Variants in KLHL1 observed in about 807,000 individuals in gnomAD.
The protein encoded by KLHL1 is kelch-like protein 1.
A neutral mutation model predicts 77.7 loss-of-function variants in KLHL1; 47 were observed. The ratio of observed to expected loss-of-function variants is 0.60; its 90% CI spans 0.48 to 0.77. The LOEUF is 0.77. KLHL1 is among the 30% of genes least tolerant of loss of function. The pLI, the probability that KLHL1 is intolerant of heterozygous loss-of-function variation, is 0.00. For missense variants in KLHL1, 925 were observed against 910.8 expected, an observed-to-expected ratio of 1.02 and a Z score of -0.20; for synonymous variants, 360 against 325.2, an observed-to-expected ratio of 1.11 and a Z score of -1.15.
At chr13:69,984,221 A>G (rs1472792105) in intron 1 of KLHL1, among the ~76,000 whole-genome samples, 2 of 152,258 alleles carry the variant, frequency 1.3e-5, no homozygotes, top group Middle Eastern at 3.4e-3. Flanking sequence ...TGTCCTTGGT[A>G]AGGTTTCTCT....
At chr13:69,733,632 A>G (rs1215213430) in intron 8 of KLHL1, among the ~76,000 whole-genome samples, 1 of 152,214 alleles carries the variant, frequency 6.6e-6, no homozygotes, top group Non-Finnish European at 1.5e-5. Context: ...CAGTTCTTAG[A>G]GAATGTGATA....
intron 1 of KLHL1, among the ~76,000 whole-genome samples, chr13:69,982,774 A>T (rs1884747895): frequency 6.6e-6 from 1 of 152,046 alleles, no homozygotes; most frequent in African/African-American, 2.4e-5. Context: ...TAAGACAAAA[A>T]GGAAGAAAAT....
intron 6 of KLHL1, among the ~76,000 whole-genome samples, chr13:69,830,460 T>C (rs1219082311): frequency 6.7e-6 from 1 of 150,024 alleles, no homozygotes; most frequent in Non-Finnish European, 1.5e-5. Context: ...CAATTACTAC[T>C]AGACCTAAGA....
intron 4 of KLHL1, among the ~76,000 whole-genome samples, chr13:69,936,432 T>C (rs1338629480): frequency 6.6e-6 from 1 of 151,740 alleles, no homozygotes; most frequent in Non-Finnish European, 1.5e-5. Context: ...CTACTAAAAA[T>C]ACAAAAATTA....
In KLHL1 at chr13:69,768,189, G is replaced by T. The variant is rs753816752; in HGVS notation, c.1640-27633C>A. Among the ~76,000 whole-genome samples the T allele has an allele frequency of 2.6e-5, 4 of 152,238 alleles. No individual in the cohort carries two copies. The South Asian group carries it at 8.3e-4, about 32-fold the overall frequency. On this transcript the variant is annotated intron_variant, in intron 7 of 10. Transcript: ENST00000377844. Reference sequence around the variant, plus strand: ...CAAGCTTTCTTTAGCTTACCAAGCTGCAAAGAATGCAACCATGGTTTGATA... The same window carrying T: ...CAAGCTTTCTTTAGCTTACCAAGCTTCAAAGAATGCAACCATGGTTTGATA...
chr13:70,073,152 C>T (rs1271138831), intron 1 of KLHL1, among the ~76,000 whole-genome samples: 1 of 152,094 alleles, frequency 6.6e-6, no homozygotes, highest in African/African-American at 2.4e-5. Flanking sequence ...AGACTTGGAA[C>T]CAACCCAAAT....
In KLHL1 at chr13:69,941,001, T is replaced by C. The variant is rs1883349087; in HGVS notation, c.818-765A>G. Among the ~76,000 whole-genome samples the C allele has an allele frequency of 2.0e-5, 3 of 152,122 alleles. No homozygotes were observed. The South Asian group carries it at 6.2e-4, about 32-fold the overall frequency. On this transcript the variant is annotated intron_variant, in intron 3 of 10. Coordinates refer to ENST00000377844, the MANE Select transcript of KLHL1 (RefSeq NM_020866.3). Reference sequence around the variant, plus strand: ...TTTATTATCATTTAGATTTACTATCTGTACCTAAGTGAGTTTTACAAGTTG... The same window carrying C: ...TTTATTATCATTTAGATTTACTATCCGTACCTAAGTGAGTTTTACAAGTTG...
intron 1 of KLHL1, among the ~76,000 whole-genome samples, chr13:70,089,219 G>A (rs1370876285): frequency 6.6e-6 from 1 of 152,064 alleles, no homozygotes; most frequent in Admixed American, 6.6e-5. Context: ...ATCTTTTCAT[G>A]CTGACTAATG....
chr13:69,702,037 A>G (rs1875416983), intron 10 of KLHL1, among the ~76,000 whole-genome samples: 1 of 151,754 alleles, frequency 6.6e-6, no homozygotes, highest in Non-Finnish European at 1.5e-5. Flanking sequence ...CTGCTATAGA[A>G]AAGTTTCCAT....
intron 1 of KLHL1, among the ~76,000 whole-genome samples, chr13:69,977,358 A>G (rs1884573995): frequency 6.6e-6 from 1 of 152,108 alleles, no homozygotes; most frequent in Non-Finnish European, 1.5e-5. Flanking sequence ...TCAAATGGAA[A>G]CAAATAAGGC....
chr13:69,961,920 T>A (rs1262322149), intron 2 of KLHL1, among the ~76,000 whole-genome samples: 1 of 152,046 alleles, frequency 6.6e-6, no homozygotes, highest in African/African-American at 2.4e-5. Context: ...TCTTTAATAT[T>A]TTAAATTTAA....
intron 5 of KLHL1, among the ~76,000 whole-genome samples, chr13:69,839,381 C>A (rs1206853016): frequency 1.3e-5 from 2 of 151,784 alleles, no homozygotes; most frequent in Non-Finnish European, 2.9e-5. Flanking sequence ...TATTATTTAT[C>A]ATTTTACCAC....
intron 1 of KLHL1, among the ~76,000 whole-genome samples, chr13:70,105,392 C>T (rs1888027086): frequency 6.6e-6 from 1 of 151,560 alleles, no homozygotes; most frequent in Non-Finnish European, 1.5e-5. Context: ...ACTACTAATG[C>T]TGAATATGCC....
intron 1 of KLHL1, among the ~76,000 whole-genome samples, chr13:70,104,029 C>G (rs556868175): frequency 1.3e-5 from 2 of 152,254 alleles, no homozygotes; most frequent in African/African-American, 4.8e-5. Flanking sequence ...TAAAACATGA[C>G]ATGTCTTCTC....
intron 8 of KLHL1, among the ~76,000 whole-genome samples, chr13:69,735,046 C>A (rs1013823275): frequency 1.4e-4 from 22 of 151,954 alleles, no homozygotes; most frequent in Admixed American, 1.1e-3. Context: ...AGAATTAATG[C>A]AATATGAGCA....
At chr13:69,928,449 A>G (rs1882887314) in intron 4 of KLHL1, among the ~76,000 whole-genome samples, 1 of 152,232 alleles carries the variant, frequency 6.6e-6, no homozygotes, top group Non-Finnish European at 1.5e-5. Context: ...TTAACTTGCC[A>G]TGGGCATTGG....
intron 7 of KLHL1, among the ~76,000 whole-genome samples, chr13:69,742,860 G>A (rs1472810447): frequency 6.6e-6 from 1 of 152,120 alleles, no homozygotes; most frequent in Non-Finnish European, 1.5e-5. Flanking sequence ...AGGAAATGGG[G>A]ATTAGAAAGG....
chr13:70,066,923 CAT>C (rs1466175904), intron 1 of KLHL1, among the ~76,000 whole-genome samples: 1 of 152,134 alleles, frequency 6.6e-6, no homozygotes, highest in Non-Finnish European at 1.5e-5. Context: ...TTCGCTTATT[CAT>C]AGAGTTGTGT....
intron 4 of KLHL1, among the ~76,000 whole-genome samples, chr13:69,915,198 CATCAAGCTACCA>C (rs1370110934): frequency 9.9e-5 from 15 of 152,148 alleles, no homozygotes; most frequent in African/African-American, 3.1e-4. Flanking sequence ...ATGCCATCCC[CATCAAGCTACCA>C]ATGACTTTCT....
Sources: gnomAD v4.1 joint callset for allele counts (sites outside exome capture counted in the v4.1 genomes callset) on GRCh38, gnomAD v4.1.1 for gene constraint, MANE v1.5 for transcripts, NCBI Gene and HGNC (gene_info 2026-07-23, HGNC 2026-07-21) for gene names.